PPP6R2: variants seen among roughly 807,000 people sequenced by gnomAD.
PPP6R2 encodes protein phosphatase 6 regulatory subunit 2, also known as serine/threonine-protein phosphatase 6 regulatory subunit 2.
In PPP6R2, 62 loss-of-function variants were observed where a neutral mutation model predicts 100.2. The observed-to-expected ratio is 0.62, with a 90% CI of 0.50 to 0.76. PPP6R2 has a LOEUF of 0.76. Ranked by LOEUF, PPP6R2 falls within the 30% of genes least tolerant of loss-of-function variation. The pLI, the probability that PPP6R2 is intolerant of heterozygous loss-of-function variation, is 0.00. For synonymous variants in PPP6R2, 525 were observed against 514.7 expected (o/e 1.02, Z -0.27); for missense variants, 1,142 against 1,276.3 (o/e 0.89, Z 1.60).
At chr22:50,416,275 C>T (rs542256930) in intron 6 of PPP6R2, 118 bp downstream of exon 6, 13 of 818,744 alleles carry the variant, frequency 1.6e-5, no homozygotes, top group African/African-American at 3.4e-5. Context: ...AGATGAGGAT[C>T]GGTTAGGTAC....
At chr22:50,404,605 T>TC (rs2058556003) in intron 3 of PPP6R2, among the ~76,000 whole-genome samples, 1 of 149,492 alleles carries the variant, frequency 6.7e-6, no homozygotes, top group East Asian at 1.9e-4. Flanking sequence ...TCTTGTTTTT[T>TC]TTTTTTTTTT....
At chr22:50,360,052 A>T (rs1602279322) in intron 1 of PPP6R2, among the ~76,000 whole-genome samples, 2 of 138,580 alleles carry the variant, frequency 1.4e-5, no homozygotes. Context: ...TTTCCCTTTC[A>T]GCACTTTTTT....
intron 2 of PPP6R2, among the ~76,000 whole-genome samples, chr22:50,375,501 C>A (rs1390747747): frequency 6.6e-6 from 1 of 152,118 alleles, no homozygotes; most frequent in African/African-American, 2.4e-5. Context: ...AGACCCTCCC[C>A]ACACCGATGG....
chr22:50,398,663 A>C (rs1217404265), intron 3 of PPP6R2, among the ~76,000 whole-genome samples: 2 of 150,914 alleles, frequency 1.3e-5, no homozygotes, highest in African/African-American at 4.9e-5. Flanking sequence ...CTACAGGCGC[A>C]CACCAGCATG....
Position 50,444,284 on chromosome 22 carries a change from G to C in PPP6R2, c.*37G>C. 3.1e-6 allele frequency: 5 copies of C among 1,602,120 alleles called. No homozygotes were observed. The highest frequency in any genetic ancestry group is 4.3e-6 in the Non-Finnish European group (5 of 1,175,994). On this transcript the variant is annotated 3_prime_UTR_variant, in exon 24 of 24. Coordinates refer to ENST00000612753, the MANE Select transcript of PPP6R2 (RefSeq NM_001242898.2). ...CCCGGCCACGGCCCACCCTGGTCAG[G>C]CTGCCTCCTTAATCGAGAAAACTAC...
upstream of PPP6R2, among the ~76,000 whole-genome samples, chr22:50,342,689 A>G (rs1232833007): frequency 3.3e-5 from 5 of 152,258 alleles, no homozygotes; most frequent in Admixed American, 3.3e-4. Context: ...AATAGTAATC[A>G]TTTTTGAAAT....
In PPP6R2 at chr22:50,444,996, A is replaced by T. The variant is rs1171682022; in HGVS notation, c.*749A>T. 6.6e-6 allele frequency: 1 copy of T among 152,416 alleles called. No individual in the cohort carries two copies. Among genetic ancestry groups the T allele is most frequent in the Non-Finnish European group, 1.5e-5 (1 of 68,064 alleles). The allele number at this position is 152,416 out of a possible 1,614,324, so 9.4% of individuals were successfully genotyped here. ...ATGTCGTCCTAGAAGGGTCCAGAAG[A>T]TTATTTTACGTTGAGTCCATTTTTA... On this transcript the variant is annotated 3_prime_UTR_variant, in exon 24 of 24. Transcript: ENST00000612753.
chr22:50,337,135 G>A, the PPP6R2 span, among the ~76,000 whole-genome samples: 1 of 150,444 alleles, frequency 6.6e-6, no homozygotes, highest in African/African-American at 2.4e-5. Context: ...TGTGTGTGGT[G>A]TGTCTGTGTG....
At chr22:50,430,315 A>G (rs1257243686) in intron 10 of PPP6R2, among the ~76,000 whole-genome samples, 1 of 152,172 alleles carries the variant, frequency 6.6e-6, no homozygotes, top group Non-Finnish European at 1.5e-5. Flanking sequence ...TCACAGTCTC[A>G]CGTTTGTGTG....
At chr22:50,375,501 C>T (rs1390747747) in intron 2 of PPP6R2, among the ~76,000 whole-genome samples, 2 of 152,118 alleles carry the variant, frequency 1.3e-5, no homozygotes. Flanking sequence ...AGACCCTCCC[C>T]ACACCGATGG....
In PPP6R2 at chr22:50,441,583, C is replaced by T. The variant is rs536306010; in HGVS notation, c.2579+557C>T. Among the ~76,000 whole-genome samples the T allele has an allele frequency of 1.6e-4, 24 of 152,286 alleles. No homozygotes were observed. In the South Asian group the frequency reaches 5.0e-3, roughly 32 times the overall value. On this transcript the variant is annotated intron_variant, in intron 22 of 23. Coordinates refer to ENST00000612753, the MANE Select transcript of PPP6R2 (RefSeq NM_001242898.2). Reference sequence around the variant, plus strand: ...ATAGTAGGATGGGGGGCGGCGGCCTCAGGACTGCACTGGGGGCATCCAAAT... The same window carrying T: ...ATAGTAGGATGGGGGGCGGCGGCCTTAGGACTGCACTGGGGGCATCCAAAT...
At chr22:50,392,329 C>A (rs2055768226) in intron 2 of PPP6R2, among the ~76,000 whole-genome samples, 1 of 143,128 alleles carries the variant, frequency 7.0e-6, no homozygotes, top group African/African-American at 2.7e-5. Context: ...TAGTGAATCC[C>A]TGTCTCTACA....
chr22:50,381,924 A>G (rs988309978), intron 2 of PPP6R2, among the ~76,000 whole-genome samples: 31 of 150,228 alleles, frequency 2.1e-4, no homozygotes, highest in Non-Finnish European at 4.2e-4. Context: ...AAAAAAAAGA[A>G]AAAAAAGGAA....
chr22:50,368,126 G>A (rs934733240), intron 1 of PPP6R2, among the ~76,000 whole-genome samples: 2 of 152,226 alleles, frequency 1.3e-5, no homozygotes, highest in South Asian at 2.1e-4. Flanking sequence ...TCTAGAAGGC[G>A]GAGCCAGGTG....
chr22:50,360,253 G>A (rs1173715552), intron 1 of PPP6R2, among the ~76,000 whole-genome samples: 1 of 151,692 alleles, frequency 6.6e-6, no homozygotes, highest in Middle Eastern at 3.4e-3. Flanking sequence ...GGGCTTCACC[G>A]TGTTGGCCAG....
At position 50,423,079 on chromosome 22, in the gene PPP6R2, G is replaced by T. The variant is rs1395096403; in HGVS notation, c.973-383G>T. Among the ~76,000 whole-genome samples, 1 of 152,164 alleles carries T rather than the reference G, an allele frequency of 6.6e-6. No individual in the cohort carries two copies. The highest frequency in any genetic ancestry group is 1.5e-5 in the Non-Finnish European group (1 of 68,030). On this transcript the variant is annotated intron_variant, in intron 9 of 23. Coordinates refer to ENST00000612753, the MANE Select transcript of PPP6R2 (RefSeq NM_001242898.2). The surrounding 1 kb of genome is among the most constrained non-coding windows in gnomAD (Gnocchi z 4.8). ...GACACTTGTTAGCTTGGTGTTCTGA[G>T]ATTGTGGCCGCAGAGGGACCCCCAC...
intron 4 of PPP6R2, among the ~76,000 whole-genome samples, chr22:50,410,919 G>A (rs1036944317): frequency 1.3e-5 from 2 of 152,038 alleles, no homozygotes; most frequent in Non-Finnish European, 2.9e-5. Flanking sequence ...AGCCTCCCGC[G>A]TAGCCAGGAT....
At chr22:50,381,695 T>C (rs12157844) in intron 2 of PPP6R2, among the ~76,000 whole-genome samples, 45,289 of 151,394 alleles carry the variant, frequency 0.3, 7,068 homozygotes, top group South Asian at 0.44. Flanking sequence ...CCGAGGCGGG[T>C]GGATCACGAG....
chr22:50,437,398 GCT>G, intron 15 of PPP6R2, 106 bp from the exon 16 acceptor site: 1 of 769,150 alleles, frequency 1.3e-6, no homozygotes, highest in Non-Finnish European at 2.2e-6. Flanking sequence ...TGGAGGAGAA[GCT>G]CCCGAACAAC....
Sources: allele counts gnomAD v4.1 joint callset (sites outside exome capture counted in the v4.1 genomes callset), GRCh38; gene constraint gnomAD v4.1.1; non-coding constraint Gnocchi (gnomAD v3.1); transcripts MANE v1.5; gene names NCBI Gene and HGNC (gene_info 2026-07-23, HGNC 2026-07-21).